Variants in DNAH17 observed in about 807,000 individuals in gnomAD.
DNAH17 encodes the protein axonemal beta dynein heavy chain 17.
In DNAH17, 376 loss-of-function variants were observed where a neutral mutation model predicts 485.6. The ratio of observed to expected loss-of-function variants is 0.77; its 90% CI spans 0.71 to 0.84. DNAH17 has a LOEUF of 0.84. Ranked by LOEUF, DNAH17 falls within the 40% of genes least tolerant of loss-of-function variation. The probability of loss-of-function intolerance (pLI) is 0.00; values close to 1 mark genes in which losing one functional copy is unlikely to be tolerated. For synonymous variants in DNAH17, 3,031 were observed against 2,405.9 expected (o/e 1.26, Z -7.60); for missense variants, 6,370 against 5,839.3 (o/e 1.09, Z -2.96).
intron 4 of DNAH17, 75 bp downstream of exon 4, chr17:78,571,515 C>A: frequency 6.4e-7 from 1 of 1,567,390 alleles, no homozygotes; most frequent in African/African-American, 1.4e-5. Context: ...GAGGTTGGCA[C>A]TGGGAGGCGG....
chr17:78,454,163 G>A (rs915210647), intron 64 of DNAH17, among the ~76,000 whole-genome samples: 1 of 152,196 alleles, frequency 6.6e-6, no homozygotes, highest in African/African-American at 2.4e-5. Context: ...CAGACCACGA[G>A]ACCCAGGAAC....
At chr17:78,523,219 G>T (rs2090978619) in intron 25 of DNAH17, among the ~76,000 whole-genome samples, 1 of 151,902 alleles carries the variant, frequency 6.6e-6, no homozygotes, top group Non-Finnish European at 1.5e-5. Flanking sequence ...GTGATGGCGA[G>T]ATCTTGGCTC....
rs1000012054 is a variant in DNAH17 at position 78,539,673 on chromosome 17, A to C, written c.2676+64T>G. The C allele has an allele frequency of 1.1e-5, 15 of 1,326,166 alleles. No individual in the cohort carries two copies. In the Admixed American group the frequency reaches 2.6e-4, roughly 23 times the overall value. 82.1% of individuals were successfully genotyped at this position (1,326,166 alleles called of 1,614,324 possible). ...TAGCCTGTTCATCAAGAAACTAGAAACTATAGATTCTAACAGATAAGAATA... is the reference window on the plus strand; with the variant it reads ...TAGCCTGTTCATCAAGAAACTAGAACCTATAGATTCTAACAGATAAGAATA... On this transcript the variant is annotated intron_variant, in intron 18 of 80. Coordinates refer to ENST00000389840, the MANE Select transcript of DNAH17 (RefSeq NM_173628.4).
rs1391041184 is a variant in DNAH17, at chr17:78,492,620, C to A, written c.6541+13G>T. ...AGTGCCCCTGCAGCCTGTCCCGGGA[C>A]CACCCTCGTTACCATCTTTCCATTC... On this transcript the variant is annotated intron_variant, in intron 42 of 80. Transcript: ENST00000389840. 3.2e-5 allele frequency: 51 copies of A among 1,613,230 alleles called. No individual in the cohort carries two copies. Among genetic ancestry groups the A allele is most frequent in the Non-Finnish European group, 3.9e-5 (46 of 1,179,554 alleles).
rs560499465 is a variant in DNAH17, at chr17:78,502,644, C to T, written c.5137G>A (p.Ala1713Thr). Residue 1713 changes from alanine to threonine, a missense_variant, in exon 33 of 81, where the codon GCC (alanine) becomes ACC (threonine). Ala to Thr is a moderately conservative substitution (Grantham distance 58, BLOSUM62 0). Transcript: ENST00000389840. Reference sequence around the variant, plus strand: ...TTTTCATAGCCTTCCTCCAGCCTGGCAAATGCCAGGCCCACCTCGGTCGTC... The same window carrying T: ...TTTTCATAGCCTTCCTCCAGCCTGGTAAATGCCAGGCCCACCTCGGTCGTC... ...WWTTEVGLAF[A>T]RLEEGYENAI... The T allele has an allele frequency of 6.2e-7, 1 of 1,612,412 alleles. No individual in the cohort carries two copies. Among genetic ancestry groups the T allele is most frequent in the Non-Finnish European group, 8.5e-7 (1 of 1,179,798 alleles).
chr17:78,531,191 A>AC (rs2091226442), intron 20 of DNAH17, among the ~76,000 whole-genome samples: 1 of 151,992 alleles, frequency 6.6e-6, no homozygotes, highest in Non-Finnish European at 1.5e-5. Flanking sequence ...CTTTAGATCT[A>AC]CCACTGTTTG....
intron 18 of DNAH17, among the ~76,000 whole-genome samples, chr17:78,538,728 G>A (rs1186724081): frequency 6.6e-6 from 1 of 152,158 alleles, no homozygotes; most frequent in Non-Finnish European, 1.5e-5. Flanking sequence ...ACAGTCTGTA[G>A]TGACGAGTAC....
intron 69 of DNAH17, among the ~76,000 whole-genome samples, 180 bp downstream of exon 69, chr17:78,449,234 G>A (rs1376855707): frequency 6.6e-6 from 1 of 152,112 alleles, no homozygotes; most frequent in Non-Finnish European, 1.5e-5. Context: ...GAGAGCCCCA[G>A]GCCTGTTCCA....
At chr17:78,498,670 G>T (rs2090164364) in intron 37 of DNAH17, among the ~76,000 whole-genome samples, 2 of 152,016 alleles carry the variant, frequency 1.3e-5, no homozygotes, top group African/African-American at 2.4e-5. Flanking sequence ...TTTCTTTCCT[G>T]CCATTCCCTT....
At chr17:78,531,181 C>G (rs891679769) in intron 20 of DNAH17, among the ~76,000 whole-genome samples, 5 of 152,044 alleles carry the variant, frequency 3.3e-5, no homozygotes, top group African/African-American at 1.2e-4. Context: ...GGGTCTCTCC[C>G]TTTAGATCTA....
Position 78,507,267 on chromosome 17 carries a change from G to A in DNAH17, c.4676+11C>T. 1 of 1,613,868 alleles carries A rather than the reference G, an allele frequency of 6.2e-7. No individual in the cohort carries two copies. The highest frequency in any genetic ancestry group is 8.5e-7 in the Non-Finnish European group (1 of 1,179,866). On this transcript the variant is annotated intron_variant, in intron 29 of 80. Transcript: ENST00000389840. The stretch of plus-strand genomic sequence containing the variant: ...ACTGACTCCCCTGGTCTGGATAGGT[G>A]TGAGCCGCACCTCTTCTTCAGGGCC...
rs1223094269 is a variant in DNAH17, at chr17:78,465,567, C to T, written c.8940+1088G>A. The stretch of plus-strand genomic sequence containing the variant: ...CGCCCATCGTCTGAGATGTGGGGAG[C>T]GCCTCTGCCCCGCCGCCCCATCTGG... On this transcript the variant is annotated intron_variant, in intron 56 of 80. Coordinates refer to ENST00000389840, the MANE Select transcript of DNAH17 (RefSeq NM_173628.4). 1.1e-3 allele frequency among the ~76,000 whole-genome samples: 164 copies of T among 145,552 alleles called. 1 individual carries two copies. The Middle Eastern group carries it at 0.015, about 13-fold the overall frequency.
chr17:78,560,157 TCTGA>T (rs56027154), intron 13 of DNAH17, among the ~76,000 whole-genome samples: 20,056 of 152,100 alleles, frequency 0.13, 1,640 homozygotes, highest in Non-Finnish European at 0.19. Flanking sequence ...CAGACAGCTC[TCTGA>T]CTGTCTGGAT....
At position 78,505,452 on chromosome 17, in the gene DNAH17, G is replaced by A; in HGVS notation, c.4804-7C>T. On this transcript the variant is annotated splice_polypyrimidine_tract_variant and splice_region_variant and intron_variant, in intron 30 of 80. Coordinates refer to ENST00000389840, the MANE Select transcript of DNAH17 (RefSeq NM_173628.4). ...TGGACAGGTGGCGGCTCACCTGGGA[G>A]GAGGCAAGAAGCGGGAATTATGCAA... 2 of 1,614,018 alleles carry A rather than the reference G, an allele frequency of 1.2e-6. No individual in the cohort carries two copies. The highest frequency in any genetic ancestry group is 1.7e-6 in the Non-Finnish European group (2 of 1,179,868).
chr17:78,492,984 G>A (rs1381725834), intron 41 of DNAH17: 1 of 410,622 alleles, frequency 2.4e-6, no homozygotes, highest in Non-Finnish European at 4.3e-6. Flanking sequence ...CCAAGTAGCT[G>A]GGATTACAGG....
Position 78,566,724 on chromosome 17 carries a change from C to CAAAAGGA in DNAH17, c.1458_1459insTCCTTTT (p.Asp487SerfsTer3), listed in dbSNP as rs1568265979. On this transcript the variant is annotated frameshift_variant, in exon 11 of 81. Transcript: ENST00000389840. LOFTEE classifies it high-confidence loss of function. ...ATCTCAAAATCAGCATAATCACGGT[C>CAAAAGGA]AAAATTCTAAAAGCAAATGGAAATG... 1 of 1,599,098 alleles carries CAAAAGGA rather than the reference C, an allele frequency of 6.3e-7. No individual in the cohort carries two copies.
chr17:78,514,949 C>T lies in DNAH17; in HGVS notation c.3938G>A (p.Cys1313Tyr), dbSNP rs747484055. Residue 1313 changes from cysteine to tyrosine, a missense_variant, in exon 26 of 81, where the codon TGT becomes TAT. Cys to Tyr is a radical substitution (Grantham distance 194). Transcript: ENST00000389840. The part of the protein sequence containing the change: ...DINVEQMDID[C>Y]KKFAKDMRSL... ...CCTCATGTCCTTGGCAAACTTCTTA[C>T]AATCTATGTCCATCTGCTCAACGTT... 6.2e-7 allele frequency: 1 copy of T among 1,614,076 alleles called. No individual in the cohort carries two copies.
chr17:78,472,308 G>GAGGGGT (rs2088796282), intron 54 of DNAH17, among the ~76,000 whole-genome samples: 1 of 148,368 alleles, frequency 6.7e-6, no homozygotes, highest in African/African-American at 2.6e-5. Context: ...GTGGGGGTGC[G>GAGGGGT]AGGGTTAGGG....
At chr17:78,542,133 G>A (rs1269619130) in intron 17 of DNAH17, among the ~76,000 whole-genome samples, 46 of 138,378 alleles carry the variant, frequency 3.3e-4, no homozygotes, top group Non-Finnish European at 5.5e-4. Context: ...CCCAAAAACT[G>A]CCCTAAAATA....
Sources: allele counts gnomAD v4.1 joint callset (sites outside exome capture counted in the v4.1 genomes callset), GRCh38; gene constraint gnomAD v4.1.1; transcripts MANE v1.5; gene names NCBI Gene and HGNC (gene_info 2026-07-23, HGNC 2026-07-21).